The following SH3RF1 variants were observed in gnomAD, a reference collection of about 807,000 sequenced individuals.
SH3RF1 encodes SH3 domain containing ring finger 1.
Under a neutral mutation model 74.0 loss-of-function variants are expected in SH3RF1, and 32 were observed. That is an observed-to-expected ratio of 0.43 (90% confidence interval 0.33 to 0.58). SH3RF1 has a LOEUF of 0.58. Ranked by LOEUF, SH3RF1 falls within the 20% of genes least tolerant of loss-of-function variation. The pLI, the probability that SH3RF1 is intolerant of heterozygous loss-of-function variation, is 0.05. For synonymous variants in SH3RF1, 396 were observed against 439.6 expected (o/e 0.90, Z 1.24); for missense variants, 954 against 1,130.9 (o/e 0.84, Z 2.24).
intron 8 of SH3RF1, among the ~76,000 whole-genome samples, chr4:169,120,357 T>A (rs1733417577): frequency 2.6e-5 from 4 of 152,246 alleles, no homozygotes; most frequent in Admixed American, 2.6e-4. Flanking sequence ...CTATGTGATC[T>A]CAGACAAGCT....
intron 4 of SH3RF1, 67 bp downstream of exon 4, chr4:169,155,413 T>G: frequency 8.0e-7 from 1 of 1,257,444 alleles, no homozygotes; most frequent in East Asian, 2.3e-5. Flanking sequence ...ATACTCAAAT[T>G]GCATAATTAA....
intron 8 of SH3RF1, 102 bp from the exon 9 acceptor site, chr4:169,117,884 C>A: frequency 7.4e-7 from 1 of 1,350,326 alleles, no homozygotes; most frequent in Admixed American, 2.7e-5. Flanking sequence ...AAACATAGAA[C>A]ATTTTAAAAA....
rs1330150953 is a variant in SH3RF1 at position 169,155,508 on chromosome 4, A to AT, written c.736dup (p.Ile246AsnfsTer10). On this transcript the variant is annotated frameshift_variant, in exon 4 of 12. Transcript: ENST00000284637. LOFTEE classifies it high-confidence loss of function. The stretch of plus-strand genomic sequence containing the variant: ...AACATATGAAATTGGAAATATTCCT[A>AT]TTTTGTCTGCCAGCATTCCTTCAGC... 1 of 1,613,380 alleles carries AT rather than the reference A, an allele frequency of 6.2e-7. No homozygotes were observed. Among genetic ancestry groups the AT allele is most frequent in the African/African-American group, 1.3e-5 (1 of 74,898 alleles).
intron 2 of SH3RF1, among the ~76,000 whole-genome samples, chr4:169,191,426 T>A (rs1334577677): frequency 6.6e-6 from 1 of 151,934 alleles, no homozygotes; most frequent in African/African-American, 2.4e-5. Flanking sequence ...CATCCCATGC[T>A]CATGACTGAG....
chr4:169,170,633 G>A (rs995867846), intron 2 of SH3RF1, among the ~76,000 whole-genome samples: 6 of 152,116 alleles, frequency 3.9e-5, no homozygotes, highest in African/African-American at 1.4e-4. Context: ...TATCCTGGGG[G>A]CGCAACACAC....
At chr4:169,143,376 C>T (rs935271669) in intron 4 of SH3RF1, among the ~76,000 whole-genome samples, 15 of 152,114 alleles carry the variant, frequency 9.9e-5, no homozygotes, top group Admixed American at 8.5e-4. Context: ...CCGGTGCGAA[C>T]GGAGTGCTTC....
intron 2 of SH3RF1, among the ~76,000 whole-genome samples, chr4:169,249,034 TG>T (rs1453300121): frequency 6.6e-6 from 1 of 151,804 alleles, no homozygotes; most frequent in East Asian, 1.9e-4. Context: ...GAGACCATTC[TG>T]GCTAACTCGG....
At chr4:169,262,906 T>A (rs1327179610) in intron 2 of SH3RF1, among the ~76,000 whole-genome samples, 1 of 152,058 alleles carries the variant, frequency 6.6e-6, no homozygotes, top group South Asian at 2.1e-4. Context: ...AGGTCAGGGA[T>A]GGGGCAGACA....
chr4:169,200,088 G>A (rs1211398466), intron 2 of SH3RF1, among the ~76,000 whole-genome samples: 4 of 151,852 alleles, frequency 2.6e-5, no homozygotes, highest in African/African-American at 4.8e-5. Context: ...CCTACACAAC[G>A]GTAAATTTAA....
chr4:169,117,839 A>G, intron 8 of SH3RF1, 57 bp from the exon 9 acceptor site: 3 of 1,561,644 alleles, frequency 1.9e-6, no homozygotes, highest in Non-Finnish European at 2.6e-6. Context: ...TGACAGAAAG[A>G]ACAATTAAAT....
At chr4:169,268,738 C>T (rs1051884691) in intron 2 of SH3RF1, 82 bp downstream of exon 2, 1 of 1,460,956 alleles carries the variant, frequency 6.8e-7, no homozygotes, top group Non-Finnish European at 9.1e-7. Context: ...GAGTTGACTT[C>T]GAAAACACCA....
chr4:169,269,433 T>TA, intron 1 of SH3RF1, 126 bp from the exon 2 acceptor site: 1 of 486,606 alleles, frequency 2.1e-6, no homozygotes, highest in Admixed American at 3.8e-5. Flanking sequence ...AGTGTAGCTT[T>TA]GCTTTGGAAT....
chr4:169,136,731 G>A (rs892748036), intron 4 of SH3RF1, 111 bp from the exon 5 acceptor site: 11 of 1,163,872 alleles, frequency 9.5e-6, no homozygotes, highest in African/African-American at 4.6e-5. Context: ...CTACTTTAAA[G>A]TTTGCCTATG....
chr4:169,178,691 C>A (rs1437081844), intron 2 of SH3RF1, among the ~76,000 whole-genome samples: 1 of 152,138 alleles, frequency 6.6e-6, no homozygotes, highest in African/African-American at 2.4e-5. Context: ...GCCTTTCTCT[C>A]CTGAATGTAA....
chr4:169,105,128 G>A (rs1203045514), intron 11 of SH3RF1, among the ~76,000 whole-genome samples: 3 of 152,028 alleles, frequency 2.0e-5, no homozygotes, highest in Non-Finnish European at 2.9e-5. Flanking sequence ...TTTATAGTAA[G>A]ATTTCAAGTC....
chr4:169,226,457 A>G (rs1343141429), intron 2 of SH3RF1, among the ~76,000 whole-genome samples: 20 of 152,118 alleles, frequency 1.3e-4, no homozygotes, highest in Admixed American at 1.2e-3. Flanking sequence ...GGAATGTTAT[A>G]ATGAAGAAAA....
At chr4:169,261,870 T>G (rs946226883) in intron 2 of SH3RF1, among the ~76,000 whole-genome samples, 2 of 152,170 alleles carry the variant, frequency 1.3e-5, no homozygotes, top group Non-Finnish European at 2.9e-5. Flanking sequence ...ATTACATTTC[T>G]TACCATAAGC....
At chr4:169,165,638 G>A (rs58449595) in intron 2 of SH3RF1, among the ~76,000 whole-genome samples, 20 of 101,400 alleles carry the variant, frequency 2.0e-4, no homozygotes, top group African/African-American at 3.1e-4. Flanking sequence ...AAAAAAAGGC[G>A]GGGGGGGGAG....
chr4:169,245,627 T>C (rs1295176153), intron 2 of SH3RF1, among the ~76,000 whole-genome samples: 1 of 152,208 alleles, frequency 6.6e-6, no homozygotes, highest in Non-Finnish European at 1.5e-5. Context: ...ATAATCCACC[T>C]ATAAATATAG....
Sources: gnomAD v4.1 joint callset for allele counts (sites outside exome capture counted in the v4.1 genomes callset) on GRCh38, gnomAD v4.1.1 for gene constraint, MANE v1.5 for transcripts, NCBI Gene and HGNC (gene_info 2026-07-23, HGNC 2026-07-21) for gene names.